Variants in SND1 observed in about 807,000 individuals in gnomAD.
The protein encoded by SND1 is staphylococcal nuclease domain-containing protein 1.
SND1 carries 38 observed loss-of-function variants against 121.7 expected under a neutral mutation model. The observed-to-expected ratio is 0.31, with a 90% CI of 0.24 to 0.41. The LOEUF is 0.41. Among genes scored for constraint, SND1 ranks in the 10% least tolerant of loss-of-function variants. The probability of loss-of-function intolerance (pLI) is 1.00; values close to 1 mark genes in which losing one functional copy is unlikely to be tolerated. For missense variants in SND1, 868 were observed against 1,184.6 expected, an observed-to-expected ratio of 0.73 and a Z score of 3.92; for synonymous variants, 401 against 447.4, an observed-to-expected ratio of 0.90 and a Z score of 1.31.
chr7:128,079,089 C>T (rs1211684203), intron 17 of SND1, among the ~76,000 whole-genome samples: 3 of 152,348 alleles, frequency 2.0e-5, no homozygotes, highest in South Asian at 2.1e-4. Context: ...CCCACTGATC[C>T]TCAGAGCTGC....
chr7:128,087,196 TGCC>T (rs1584782249), intron 21 of SND1, 145 bp downstream of exon 21: 1 of 659,380 alleles, frequency 1.5e-6, no homozygotes, highest in African/African-American at 1.8e-5. Flanking sequence ...TTGAGGAAGA[TGCC>T]ACCGAGGAGG....
chr7:127,708,567 C>A (rs1181816355), intron 9 of SND1, among the ~76,000 whole-genome samples: 1 of 152,124 alleles, frequency 6.6e-6, no homozygotes, highest in Non-Finnish European at 1.5e-5. Flanking sequence ...AGTTTCTCTT[C>A]TTTCTGTTTT....
At chr7:127,969,539 C>G (rs1563074096) in intron 15 of SND1, among the ~76,000 whole-genome samples, 1 of 152,164 alleles carries the variant, frequency 6.6e-6, no homozygotes, top group Non-Finnish European at 1.5e-5. Flanking sequence ...GCCTGGCTAA[C>G]ATGGTGAAAT....
chr7:127,823,116 T>A (rs1798579341), intron 11 of SND1, among the ~76,000 whole-genome samples: 1 of 152,008 alleles, frequency 6.6e-6, no homozygotes, highest in South Asian at 2.1e-4. Flanking sequence ...TAAGGCTGAG[T>A]GAGAGACAGA....
At chr7:127,744,255 C>G (rs552948900) in intron 10 of SND1, among the ~76,000 whole-genome samples, 1 of 151,832 alleles carries the variant, frequency 6.6e-6, no homozygotes, top group Non-Finnish European at 1.5e-5. Context: ...TTTTCCCCCC[C>G]GTTTCTTCCA....
At chr7:127,900,650 A>G (rs1584652400) in intron 13 of SND1, among the ~76,000 whole-genome samples, 1 of 152,324 alleles carries the variant, frequency 6.6e-6, no homozygotes, top group East Asian at 1.9e-4. Flanking sequence ...TGGTCTGAAT[A>G]GAGTTCATCT....
rs554924455 is a variant in SND1 at position 127,719,633 on chromosome 7, C to T, written c.1039-1654C>T. Among the ~76,000 whole-genome samples, 157 of 152,106 alleles carry T rather than the reference C, an allele frequency of 1.0e-3. 1 individual carries two copies. Among genetic ancestry groups the T allele is most frequent in the Non-Finnish European group, 1.9e-3 (131 of 68,016 alleles). On this transcript the variant is annotated intron_variant, in intron 9 of 23. Coordinates refer to ENST00000354725, the MANE Select transcript of SND1 (RefSeq NM_014390.4). The stretch of plus-strand genomic sequence containing the variant: ...AATGGTTATGGTTATTTGAAGTTGT[C>T]GTTTTCCTGTTTTCAGGGTTGTAAG...
chr7:127,834,862 T>C (rs1471122661), intron 11 of SND1, among the ~76,000 whole-genome samples: 3 of 152,212 alleles, frequency 2.0e-5, no homozygotes, highest in African/African-American at 7.2e-5. Context: ...ACATATATTT[T>C]CCTTGTCTGA....
chr7:127,876,119 C>T (rs545290475), intron 12 of SND1, among the ~76,000 whole-genome samples: 86 of 152,234 alleles, frequency 5.6e-4, no homozygotes, highest in African/African-American at 2.0e-3. Flanking sequence ...CCCCTTTGCC[C>T]CTCTCCTTCT....
At chr7:127,954,746 G>A (rs973955586) in intron 15 of SND1, among the ~76,000 whole-genome samples, 2 of 152,186 alleles carry the variant, frequency 1.3e-5, no homozygotes, top group Non-Finnish European at 2.9e-5. Context: ...AGATGAGCCA[G>A]TTGCTTGTTT....
At position 127,708,607 on chromosome 7, in the gene SND1, C is replaced by T. The variant is rs181044106; in HGVS notation, c.1038+960C>T. Among the ~76,000 whole-genome samples the T allele has an allele frequency of 1.7e-3, 258 of 152,168 alleles. 1 individual carries two copies. The highest frequency in any genetic ancestry group is 2.5e-3 in the Non-Finnish European group (172 of 68,000). ...CTCTTGGTTCCCCGCCCCACCGCCCCGAGAGTTTTCCATTGATATGTCTTG... is the reference window on the plus strand; with the variant it reads ...CTCTTGGTTCCCCGCCCCACCGCCCTGAGAGTTTTCCATTGATATGTCTTG... On this transcript the variant is annotated intron_variant, in intron 9 of 23. Coordinates refer to ENST00000354725, the MANE Select transcript of SND1 (RefSeq NM_014390.4).
intron 10 of SND1, among the ~76,000 whole-genome samples, chr7:127,735,784 G>A (rs1796766624): frequency 6.6e-6 from 1 of 152,102 alleles, no homozygotes; most frequent in Non-Finnish European, 1.5e-5. Context: ...GTGCCACTAT[G>A]CCTGGCTAAT....
intron 10 of SND1, among the ~76,000 whole-genome samples, chr7:127,790,629 A>G (rs552709870): frequency 6.6e-6 from 1 of 152,340 alleles, no homozygotes; most frequent in South Asian, 2.1e-4. Flanking sequence ...TTAAATGAGC[A>G]TAGTGGTATC....
At chr7:128,064,178 T>C (rs1333737855) in intron 16 of SND1, among the ~76,000 whole-genome samples, 1 of 152,132 alleles carries the variant, frequency 6.6e-6, no homozygotes, top group Non-Finnish European at 1.5e-5. Context: ...TTATACCCAT[T>C]TGACCACAAG....
chr7:127,948,753 C>A (rs1801391155), intron 15 of SND1, among the ~76,000 whole-genome samples: 1 of 152,176 alleles, frequency 6.6e-6, no homozygotes, highest in Non-Finnish European at 1.5e-5. Flanking sequence ...TTGGGATTCA[C>A]CCATTGCTCA....
intron 10 of SND1, among the ~76,000 whole-genome samples, chr7:127,748,129 T>C (rs961741075): frequency 1.3e-5 from 2 of 152,202 alleles, no homozygotes; most frequent in African/African-American, 4.8e-5. Context: ...GATATTGAAG[T>C]GAGAATCTAA....
chr7:127,670,397 T>A (rs558949238), intron 1 of SND1, among the ~76,000 whole-genome samples: 1 of 152,308 alleles, frequency 6.6e-6, no homozygotes, highest in East Asian at 1.9e-4. Context: ...GGATTACAGA[T>A]GTGAGCCACT....
At chr7:127,663,587 A>G (rs1795357528) in intron 1 of SND1, among the ~76,000 whole-genome samples, 1 of 152,164 alleles carries the variant, frequency 6.6e-6, no homozygotes, top group Non-Finnish European at 1.5e-5. Context: ...CGTGTTGGCC[A>G]GGATGGTCTC....
At chr7:128,030,432 G>A (rs1792547855) in intron 16 of SND1, 2 of 1,613,812 alleles carry the variant, frequency 1.2e-6, no homozygotes, top group Non-Finnish European at 1.7e-6. Context: ...AATACCCTGC[G>A]GGACCTCGGA....
Sources: gnomAD v4.1 joint callset for allele counts (sites outside exome capture counted in the v4.1 genomes callset) on GRCh38, gnomAD v4.1.1 for gene constraint, MANE v1.5 for transcripts, NCBI Gene and HGNC (gene_info 2026-07-23, HGNC 2026-07-21) for gene names.